EVI5: variants seen among roughly 807,000 people sequenced by gnomAD.
EVI5 encodes ecotropic viral integration site 5 protein homolog.
Under a neutral mutation model 112.0 loss-of-function variants are expected in EVI5, and 73 were observed. The ratio of observed to expected loss-of-function variants is 0.65; its 90% CI spans 0.54 to 0.79. The LOEUF is 0.79. Among genes scored for constraint, EVI5 ranks in the 30% least tolerant of loss-of-function variants. The probability of loss-of-function intolerance (pLI) is 0.00; values close to 1 mark genes in which losing one functional copy is unlikely to be tolerated. For synonymous variants in EVI5, 305 were observed against 319.9 expected (o/e 0.95, Z 0.50); for missense variants, 900 against 968.8 (o/e 0.93, Z 0.94).
At chr1:92,581,130 CACTA>C (rs1350323162) in intron 18 of EVI5, among the ~76,000 whole-genome samples, 23 of 152,354 alleles carry the variant, frequency 1.5e-4, no homozygotes, top group African/African-American at 3.8e-4. Flanking sequence ...ATATGGATGA[CACTA>C]ACTATCTCTC....
chr1:92,706,842 A>G (rs1424453410), intron 2 of EVI5, among the ~76,000 whole-genome samples: 3 of 152,358 alleles, frequency 2.0e-5, no homozygotes, highest in Admixed American at 6.5e-5. Context: ...TTTAAAATAG[A>G]TAAGCCTAAA....
At chr1:92,529,132 C>T (rs888004438) in intron 19 of EVI5, among the ~76,000 whole-genome samples, 1 of 152,160 alleles carries the variant, frequency 6.6e-6, no homozygotes, top group Non-Finnish European at 1.5e-5. Flanking sequence ...GACCATTAGC[C>T]TAACACTTTC....
chr1:92,634,879 G>C (rs1658397128), intron 14 of EVI5, among the ~76,000 whole-genome samples: 1 of 152,184 alleles, frequency 6.6e-6, no homozygotes, highest in Non-Finnish European at 1.5e-5. Context: ...CTTTCTGTTT[G>C]TTAGTTTTCC....
intron 2 of EVI5, among the ~76,000 whole-genome samples, chr1:92,723,029 A>G (rs1299716375): frequency 1.3e-5 from 2 of 152,184 alleles, no homozygotes; most frequent in African/African-American, 2.4e-5. Context: ...CCTGGGGCTC[A>G]ATTAAGCCAG....
chr1:92,629,705 G>C (rs1184869099), intron 14 of EVI5, among the ~76,000 whole-genome samples: 1 of 151,378 alleles, frequency 6.6e-6, no homozygotes, highest in Non-Finnish European at 1.5e-5. Flanking sequence ...TAGGGTACAT[G>C]TGCACAATGT....
chr1:92,737,651 T>C (rs375126270), intron 1 of EVI5, among the ~76,000 whole-genome samples: 66 of 152,214 alleles, frequency 4.3e-4, no homozygotes, highest in Middle Eastern at 6.8e-3. Flanking sequence ...GTCCTGGTAG[T>C]AGGTACCACT....
chr1:92,545,728 T>G (rs1233637276), intron 19 of EVI5, among the ~76,000 whole-genome samples: 3 of 152,166 alleles, frequency 2.0e-5, no homozygotes, highest in African/African-American at 7.2e-5. Flanking sequence ...AATGTTATTT[T>G]CGGTACCACA....
At chr1:92,558,836 C>G (rs1668062919) in intron 19 of EVI5, among the ~76,000 whole-genome samples, 1 of 129,032 alleles carries the variant, frequency 7.8e-6, no homozygotes, top group Non-Finnish European at 1.6e-5. Context: ...ACCCCCATCT[C>G]TAAAAAAAAA....
intron 2 of EVI5, among the ~76,000 whole-genome samples, chr1:92,721,165 T>A (rs1674689468): frequency 6.6e-6 from 1 of 152,226 alleles, no homozygotes; most frequent in Admixed American, 6.5e-5. Context: ...GACTCAGTGA[T>A]CCCATTACTG....
At chr1:92,768,138 A>G (rs1682914054) in intron 1 of EVI5, among the ~76,000 whole-genome samples, 2 of 55,830 alleles carry the variant, frequency 3.6e-5, no homozygotes, top group African/African-American at 6.3e-5. Context: ...TTAGTTTCAA[A>G]TATAACAGGA....
At chr1:92,780,665 T>C (rs1684740304) in intron 1 of EVI5, among the ~76,000 whole-genome samples, 1 of 151,926 alleles carries the variant, frequency 6.6e-6, no homozygotes, top group East Asian at 1.9e-4. Context: ...TGGACAAGGA[T>C]GGTATTTGCA....
At chr1:92,737,512 C>T (rs1263396108) in intron 1 of EVI5, among the ~76,000 whole-genome samples, 3 of 152,104 alleles carry the variant, frequency 2.0e-5, no homozygotes, top group Admixed American at 2.0e-4. Context: ...ATGCCAACCT[C>T]CTAAGCAGAT....
chr1:92,535,570 T>C (rs1663735881), intron 19 of EVI5, among the ~76,000 whole-genome samples: 1 of 152,128 alleles, frequency 6.6e-6, no homozygotes, highest in African/African-American at 2.4e-5. Context: ...ATGGAATACC[T>C]TGCAGCCATA....
At chr1:92,712,305 C>T (rs1049447320) in intron 2 of EVI5, among the ~76,000 whole-genome samples, 6 of 151,994 alleles carry the variant, frequency 3.9e-5, no homozygotes, top group African/African-American at 1.4e-4. Context: ...AGAAAGATAC[C>T]TAAATGACAG....
Position 92,625,926 on chromosome 1 carries a change from G to A in EVI5, c.1536C>T (p.Asn512=). 1.3e-6 allele frequency: 2 copies of A among 1,596,966 alleles called. No individual in the cohort carries two copies. The highest frequency in any genetic ancestry group is 1.7e-6 in the Non-Finnish European group (2 of 1,167,824). The change falls in exon 15 of 20, where the codon AAC becomes AAT. Residue 512 remains asparagine, a synonymous_variant. Coordinates refer to ENST00000684568, the MANE Select transcript of EVI5 (RefSeq NM_001350197.2). ...DKVLDIEKRN[N]SLPDENNIAR... is the part of the protein sequence containing the mutation. ...CAATATTATTCTCATCAGGAAGGGAGTTATTCCTCTAAAGAAGAAGAAAAT... is the reference window on the plus strand; with the variant it reads ...CAATATTATTCTCATCAGGAAGGGAATTATTCCTCTAAAGAAGAAGAAAAT...
In EVI5 at chr1:92,570,233, C is replaced by T. The variant is rs554987105; in HGVS notation, c.2071-6496G>A. On this transcript the variant is annotated intron_variant, in intron 18 of 19. Transcript: ENST00000684568. ...AGCATGTCAGTAAACTGATATACTTCCAAGGGGGACTAATTTGATAAGAAT... is the reference window on the plus strand; with the variant it reads ...AGCATGTCAGTAAACTGATATACTTTCAAGGGGGACTAATTTGATAAGAAT... Among the ~76,000 whole-genome samples, 7 of 152,264 alleles carry T rather than the reference C, an allele frequency of 4.6e-5. No homozygotes were observed. The East Asian group carries it at 5.8e-4, about 13-fold the overall frequency.
intron 2 of EVI5, among the ~76,000 whole-genome samples, chr1:92,723,556 T>C (rs80180605): frequency 0.026 from 3,954 of 152,324 alleles, 132 homozygotes; most frequent in African/African-American, 0.074. Context: ...GGCATGTCTT[T>C]ACTTTAATCT....
At chr1:92,639,949 G>A (rs1234790478) in intron 13 of EVI5, among the ~76,000 whole-genome samples, 1 of 151,716 alleles carries the variant, frequency 6.6e-6, no homozygotes, top group Admixed American at 6.6e-5. Context: ...ACAGAGACCT[G>A]AGAAATAACA....
intron 19 of EVI5, among the ~76,000 whole-genome samples, chr1:92,522,412 A>T (rs1191925392): frequency 3.9e-5 from 6 of 152,032 alleles, no homozygotes; most frequent in Non-Finnish European, 7.4e-5. Flanking sequence ...CCAAGGCAGA[A>T]GGATCACAAG....
Sources: allele counts gnomAD v4.1 joint callset (sites outside exome capture counted in the v4.1 genomes callset), GRCh38; gene constraint gnomAD v4.1.1; transcripts MANE v1.5; gene names NCBI Gene and HGNC (gene_info 2026-07-23, HGNC 2026-07-21).